Variants in ZSCAN31 observed in about 807,000 individuals in gnomAD.
ZSCAN31 encodes the protein zinc finger and SCAN domain containing 31.
Under a neutral mutation model 22.5 loss-of-function variants are expected in ZSCAN31, and 14 were observed. The observed-to-expected ratio is 0.62, with a 90% CI of 0.41 to 0.97. The LOEUF is 0.97. Ranked by LOEUF, ZSCAN31 falls within the 50% of genes least tolerant of loss-of-function variation. ZSCAN31 has a pLI of 0.00. For missense variants in ZSCAN31, 424 were observed against 483.4 expected, an observed-to-expected ratio of 0.88 and a Z score of 1.15; for synonymous variants, 168 against 169.8, an observed-to-expected ratio of 0.99 and a Z score of 0.08.
chr6:28,354,024 G>A (rs1474529521), intron 1 of ZSCAN31: 14 of 447,802 alleles, frequency 3.1e-5, no homozygotes, highest in South Asian at 2.2e-4. Context: ...CCTCTGTCTC[G>A]GCTGCCTCCT....
At chr6:28,345,532 T>C (rs1194246081) in intron 2 of ZSCAN31, among the ~76,000 whole-genome samples, 1 of 152,214 alleles carries the variant, frequency 6.6e-6, no homozygotes. Context: ...TGAGTATTGA[T>C]ATGATACAAC....
Position 28,351,727 on chromosome 6 carries a change from C to T in ZSCAN31, c.-371+2135G>A, listed in dbSNP as rs140206534. ...TCCCTCCTTTCTTTGTCTTCCTTTC[C>T]TTCCCTCCCTCTCCCCCTCTTTATC... is the stretch of plus-strand genomic sequence containing the variant. On this transcript the variant is annotated intron_variant, in intron 2 of 7. Transcript: ENST00000396838. This position sits in a 1 kb window ranked among gnomAD's most constrained non-coding sequence, Gnocchi z 4.6. 1.3e-5 allele frequency among the ~76,000 whole-genome samples: 2 copies of T among 150,778 alleles called. No homozygotes were observed. The highest frequency in any genetic ancestry group is 4.9e-5 in the African/African-American group (2 of 41,000).
At chr6:28,340,875 GT>G (rs1322168954), upstream of ZSCAN31, among the ~76,000 whole-genome samples, 1 of 152,144 alleles carries the variant, frequency 6.6e-6, no homozygotes, top group Non-Finnish European at 1.5e-5. Flanking sequence ...TCAGACTGAA[GT>G]TTTTTGTTTT....
Position 28,329,793 on chromosome 6 carries a change from T to G in ZSCAN31, c.-95-15A>C. 7.6e-7 allele frequency: 1 copy of G among 1,322,214 alleles called. No homozygotes were observed. The highest frequency in any genetic ancestry group is 1.0e-6 in the Non-Finnish European group (1 of 974,016). 81.9% of individuals were successfully genotyped at this position (1,322,214 alleles called of 1,614,324 possible). On this transcript the variant is annotated splice_polypyrimidine_tract_variant and intron_variant, in intron 1 of 3. Coordinates refer to ENST00000344279, the MANE Select transcript of ZSCAN31 (RefSeq NM_030899.5). ...GGAGAAGACACCTGATGATAGAGCA[T>G]TATATATTAATGGAAATAAATCATA...
upstream of ZSCAN31, among the ~76,000 whole-genome samples, chr6:28,340,110 G>A (rs929688955): frequency 7.9e-5 from 12 of 152,290 alleles, no homozygotes; most frequent in African/African-American, 2.2e-4. Flanking sequence ...TGCTGCAGTG[G>A]AAATAGATAG....
chr6:28,354,204 T>C, upstream of ZSCAN31: 1 of 338,568 alleles, frequency 3.0e-6, no homozygotes, highest in South Asian at 2.3e-5. Flanking sequence ...TGGGCACAAG[T>C]CCTATGTACA....
At chr6:28,328,770 ATTTATG>A (rs1763509297) in intron 2 of ZSCAN31, among the ~76,000 whole-genome samples, 1 of 152,214 alleles carries the variant, frequency 6.6e-6, no homozygotes, top group African/African-American at 2.4e-5. Flanking sequence ...AATCTTTACA[ATTTATG>A]TTTAGAGACT....
At chr6:28,334,014 G>A (rs890379713) in intron 1 of ZSCAN31, among the ~76,000 whole-genome samples, 11 of 152,142 alleles carry the variant, frequency 7.2e-5, no homozygotes, top group Non-Finnish European at 1.5e-4. Flanking sequence ...GAAGACTATT[G>A]CACTGAATCT....
chr6:28,329,944 T>A (rs1763616527), intron 1 of ZSCAN31, among the ~76,000 whole-genome samples, 166 bp from the exon 2 acceptor site: 2 of 152,200 alleles, frequency 1.3e-5, no homozygotes, highest in Non-Finnish European at 2.9e-5. Flanking sequence ...TGGCAGAGTA[T>A]GTTAATGGCC....
At chr6:28,339,112 A>C (rs1471603994), upstream of ZSCAN31, among the ~76,000 whole-genome samples, 2 of 152,222 alleles carry the variant, frequency 1.3e-5, no homozygotes, top group African/African-American at 4.8e-5. Context: ...ACTTTTCTTC[A>C]CTAGAGAATT....
chr6:28,345,144 C>CAAAAAAAAAAA (rs60598517), intron 2 of ZSCAN31, among the ~76,000 whole-genome samples: 11 of 93,614 alleles, frequency 1.2e-4, no homozygotes, highest in African/African-American at 3.8e-4. Context: ...AACTGTGTCT[C>CAAAAAAAAAAA]AAAAAAAAAA....
chr6:28,327,582 C>A (rs1387130277), intron 2 of ZSCAN31, 49 bp from the exon 3 acceptor site: 2 of 1,559,136 alleles, frequency 1.3e-6, no homozygotes, highest in Non-Finnish European at 8.7e-7. Context: ...TATAGGAGTA[C>A]AAGCTAATAC....
At chr6:28,344,324 A>G (rs1246035931) in intron 2 of ZSCAN31, among the ~76,000 whole-genome samples, 1 of 152,214 alleles carries the variant, frequency 6.6e-6, no homozygotes, top group East Asian at 1.9e-4. Flanking sequence ...AAGAATTATT[A>G]TAGTTCTATC....
chr6:28,329,810 TAAATC>T (rs1320679039), intron 1 of ZSCAN31, 32 bp from the exon 2 acceptor site: 2 of 1,230,386 alleles, frequency 1.6e-6, no homozygotes, highest in Admixed American at 2.5e-5. Context: ...TTAATGGAAA[TAAATC>T]ATAAAGTAGT....
intron 2 of ZSCAN31, among the ~76,000 whole-genome samples, chr6:28,350,552 G>A (rs1382355225): frequency 6.6e-6 from 1 of 152,118 alleles, no homozygotes; most frequent in African/African-American, 2.4e-5. Context: ...TTGTAAAATG[G>A]GGATAATATT....
chr6:28,344,353 G>A (rs1413235677), intron 2 of ZSCAN31, among the ~76,000 whole-genome samples: 1 of 152,154 alleles, frequency 6.6e-6, no homozygotes, highest in Non-Finnish European at 1.5e-5. Context: ...CAAGATATCA[G>A]ATTGGATGGG....
chr6:28,329,346 A>G lies in ZSCAN31; in HGVS notation c.338T>C (p.Val113Ala). The G allele has an allele frequency of 6.2e-7, 1 of 1,605,288 alleles. No homozygotes were observed. The highest frequency in any genetic ancestry group is 1.1e-5 in the South Asian group (1 of 90,198). ...HPESGEEAVA[V>A]VEDLEQELSE... Reference sequence around the variant, plus strand: ...AAGCTCTTGTTCCAGATCTTCAACTACAGCCACAGCCTCCTCCCCACTCTC... The same window carrying G: ...AAGCTCTTGTTCCAGATCTTCAACTGCAGCCACAGCCTCCTCCCCACTCTC... Residue 113 changes from valine to alanine, a missense_variant, in exon 2 of 4, where the codon GTA becomes GCA. Physicochemically the swap from Val to Ala is moderately conservative, Grantham distance 64. Transcript: ENST00000344279.
chr6:28,352,494 C>G (rs1476861960), intron 2 of ZSCAN31, among the ~76,000 whole-genome samples: 2 of 152,126 alleles, frequency 1.3e-5, no homozygotes, highest in African/African-American at 2.4e-5. Context: ...CCCAGGAAAT[C>G]TGCCTCAGCC....
At chr6:28,328,714 A>G (rs1763504155) in intron 2 of ZSCAN31, among the ~76,000 whole-genome samples, 1 of 152,250 alleles carries the variant, frequency 6.6e-6, no homozygotes, top group Admixed American at 6.5e-5. Context: ...AGACAGGCAT[A>G]GGAAATCACA....
Sources: allele counts gnomAD v4.1 joint callset (sites outside exome capture counted in the v4.1 genomes callset), GRCh38; gene constraint gnomAD v4.1.1; non-coding constraint Gnocchi (gnomAD v3.1); transcripts MANE v1.5; gene names NCBI Gene and HGNC (gene_info 2026-07-23, HGNC 2026-07-21).